Variants in TTC39B observed in about 807,000 individuals in gnomAD.
The protein encoded by TTC39B is tetratricopeptide repeat domain 39B, also known as tetratricopeptide repeat protein 39B.
A neutral mutation model predicts 96.6 loss-of-function variants in TTC39B; 92 were observed. That is an observed-to-expected ratio of 0.95 (90% confidence interval 0.80 to 1.13). The LOEUF (loss-of-function observed/expected upper bound fraction) is 1.13. TTC39B is among the 50% of genes most tolerant of loss of function. The probability of loss-of-function intolerance (pLI) is 0.00; values close to 1 mark genes in which losing one functional copy is unlikely to be tolerated. For synonymous variants in TTC39B, 367 were observed against 299.4 expected, an observed-to-expected ratio of 1.23 and a Z score of -2.33; for missense variants, 955 against 809.3, an observed-to-expected ratio of 1.18 and a Z score of -2.18.
chr9:15,229,875 G>C (rs1174262930), intron 2 of TTC39B, among the ~76,000 whole-genome samples: 5 of 152,042 alleles, frequency 3.3e-5, no homozygotes, highest in Non-Finnish European at 7.4e-5. Context: ...CTACATTCTT[G>C]TTTATGAATT....
intron 2 of TTC39B, among the ~76,000 whole-genome samples, chr9:15,252,570 C>T (rs1052359557): frequency 1.3e-5 from 2 of 152,042 alleles, no homozygotes; most frequent in Non-Finnish European, 2.9e-5. Flanking sequence ...ATGGCTTGAA[C>T]CTGGGAGGCA....
chr9:15,208,758 C>G (rs1217608377), intron 6 of TTC39B, among the ~76,000 whole-genome samples: 1 of 152,156 alleles, frequency 6.6e-6, no homozygotes, highest in Non-Finnish European at 1.5e-5. Context: ...AACATCATGC[C>G]CCTTTGAAAT....
Position 15,306,749 on chromosome 9 carries a change from C to T in TTC39B, c.240+335G>A, listed in dbSNP as rs777905589. Among the ~76,000 whole-genome samples the T allele has an allele frequency of 6.5e-4, 99 of 152,312 alleles. No individual in the cohort carries two copies. Among genetic ancestry groups the T allele is most frequent in the African/African-American group, 2.2e-3 (91 of 41,566 alleles). ...TCGTAAAGCCCAGGCGTCGCTGGGCCGGCCCGGAACAGCTCAGAGCTGCGG... is the reference window on the plus strand; with the variant it reads ...TCGTAAAGCCCAGGCGTCGCTGGGCTGGCCCGGAACAGCTCAGAGCTGCGG... On this transcript the variant is annotated intron_variant, in intron 1 of 19. Transcript: ENST00000512701. This position sits in a 1 kb window ranked among gnomAD's most constrained non-coding sequence, Gnocchi z 5.1.
intron 1 of TTC39B, among the ~76,000 whole-genome samples, chr9:15,300,778 C>T (rs930965094): frequency 6.7e-6 from 1 of 149,776 alleles, no homozygotes; most frequent in African/African-American, 2.4e-5. Flanking sequence ...CCCAGCTACT[C>T]GGAACGCTGA....
chr9:15,190,761 CAGAT>C, intron 10 of TTC39B, 99 bp from the exon 11 acceptor site: 4 of 950,786 alleles, frequency 4.2e-6, no homozygotes, highest in Non-Finnish European at 6.5e-6. Flanking sequence ...GTTACAAGTA[CAGAT>C]TTCATATATT....
intron 1 of TTC39B, among the ~76,000 whole-genome samples, chr9:15,281,094 G>A (rs1017741140): frequency 1.3e-5 from 2 of 151,610 alleles, no homozygotes; most frequent in Non-Finnish European, 2.9e-5. Context: ...TAGCCCAGAT[G>A]TCCTTTTATG....
At chr9:15,196,212 A>T (rs1037735295) in intron 8 of TTC39B, among the ~76,000 whole-genome samples, 2 of 152,254 alleles carry the variant, frequency 1.3e-5, no homozygotes, top group Non-Finnish European at 2.9e-5. Flanking sequence ...TATTGTTTTC[A>T]TGCCTACTAA....
chr9:15,217,114 A>G (rs1414302415), intron 3 of TTC39B, among the ~76,000 whole-genome samples: 2 of 152,196 alleles, frequency 1.3e-5, no homozygotes, highest in Non-Finnish European at 2.9e-5. Flanking sequence ...ATGAGAGAAA[A>G]TGAGGACAGA....
At chr9:15,183,224 G>C in intron 16 of TTC39B, 1 of 319,290 alleles carries the variant, frequency 3.1e-6, no homozygotes, top group Non-Finnish European at 6.1e-6. Context: ...TAGAATGGCA[G>C]CAAAGGTATC....
At chr9:15,300,413 C>T (rs1436049780) in intron 1 of TTC39B, among the ~76,000 whole-genome samples, 1 of 152,188 alleles carries the variant, frequency 6.6e-6, no homozygotes, top group Admixed American at 6.5e-5. Flanking sequence ...AATCCTTTAA[C>T]TCTGGCCTCT....
At chr9:15,191,146 G>T in intron 10 of TTC39B, 44 bp downstream of exon 10, 1 of 1,394,708 alleles carries the variant, frequency 7.2e-7, no homozygotes, top group Non-Finnish European at 1.0e-6. Flanking sequence ...AATAAATACT[G>T]TCTTATCTTC....
chr9:15,269,527 G>C (rs1028281345), intron 1 of TTC39B, among the ~76,000 whole-genome samples: 38 of 152,278 alleles, frequency 2.5e-4, no homozygotes, highest in Non-Finnish European at 4.7e-4. Context: ...GGATTCTGCG[G>C]TGAGGCAGAA....
intron 2 of TTC39B, among the ~76,000 whole-genome samples, chr9:15,266,849 A>G (rs765468706): frequency 1.3e-5 from 2 of 152,050 alleles, no homozygotes; most frequent in Non-Finnish European, 2.9e-5. Context: ...GGAGGACAAG[A>G]GGGGCAGATC....
chr9:15,231,965 T>A (rs1821446500), intron 2 of TTC39B, among the ~76,000 whole-genome samples: 1 of 151,946 alleles, frequency 6.6e-6, no homozygotes, highest in Non-Finnish European at 1.5e-5. Context: ...CCTTGGCACA[T>A]CTCACCAGGA....
chr9:15,229,304 T>G (rs1351405334), intron 2 of TTC39B, among the ~76,000 whole-genome samples: 2 of 152,222 alleles, frequency 1.3e-5, no homozygotes, highest in Non-Finnish European at 2.9e-5. Context: ...AAAGGAAGAC[T>G]GCATGTCCTC....
chr9:15,234,391 A>G (rs571040630), intron 2 of TTC39B, among the ~76,000 whole-genome samples: 41 of 95,292 alleles, frequency 4.3e-4, no homozygotes, highest in South Asian at 2.1e-3. Context: ...CAGCTGCCCC[A>G]TCCAGGAGGG....
In TTC39B at chr9:15,290,728, G is replaced by C. The variant is rs188770745; in HGVS notation, c.240+16356C>G. Among the ~76,000 whole-genome samples, 14 of 152,290 alleles carry C rather than the reference G, an allele frequency of 9.2e-5. No individual in the cohort carries two copies. The East Asian group carries it at 2.7e-3, about 29-fold the overall frequency. ...GTGAACGCTAATCAAAGCCTCACAA[G>C]AATGTGACCCCTTACCTCACTGCAT... On this transcript the variant is annotated intron_variant, in intron 1 of 19. Transcript: ENST00000512701.
intron 1 of TTC39B, among the ~76,000 whole-genome samples, chr9:15,298,256 T>C (rs933160116): frequency 6.6e-6 from 1 of 152,206 alleles, no homozygotes; most frequent in Non-Finnish European, 1.5e-5. Context: ...TCCATGGTTT[T>C]GAGGCCTCTG....
At position 15,187,460 on chromosome 9, in the gene TTC39B, T is replaced by C. The variant is rs573818112; in HGVS notation, c.1396-425A>G. ...CAGAGATAAAACCTCATGTTTAAAA[T>C]AACTCTTTGTTGTTGTTTGAGACAG... On this transcript the variant is annotated intron_variant, in intron 14 of 19. Coordinates refer to ENST00000512701, the Ensembl canonical transcript of TTC39B. 5.3e-5 allele frequency among the ~76,000 whole-genome samples: 8 copies of C among 152,330 alleles called. No individual in the cohort carries two copies. The South Asian group carries it at 1.7e-3, about 32-fold the overall frequency.
Sources: gnomAD v4.1 joint callset for allele counts (sites outside exome capture counted in the v4.1 genomes callset) on GRCh38, gnomAD v4.1.1 for gene constraint, Gnocchi (gnomAD v3.1) non-coding constraint, MANE v1.5 for transcripts, NCBI Gene and HGNC (gene_info 2026-07-23, HGNC 2026-07-21) for gene names.